SLC6A11: variants seen among roughly 807,000 people sequenced by gnomAD.
SLC6A11 encodes solute carrier family 6 member 11.
SLC6A11 carries 25 observed loss-of-function variants against 74.8 expected under a neutral mutation model. The ratio of observed to expected loss-of-function variants is 0.33; its 90% CI spans 0.24 to 0.47. The LOEUF is 0.47. Ranked by LOEUF, SLC6A11 falls within the 20% of genes least tolerant of loss-of-function variation. The pLI is 1.00. For missense variants in SLC6A11, 574 were observed against 837.0 expected (o/e 0.69, Z 3.88); for synonymous variants, 330 against 330.2 (o/e 1.00, Z 0.01).
intron 5 of SLC6A11, among the ~76,000 whole-genome samples, chr3:10,866,419 C>A (rs538607971): frequency 6.6e-6 from 1 of 152,304 alleles, no homozygotes; most frequent in East Asian, 1.9e-4. Flanking sequence ...GAGTCATGGT[C>A]TCTGTGCTGT....
intron 5 of SLC6A11, among the ~76,000 whole-genome samples, chr3:10,861,926 T>C (rs1694707216): frequency 2.0e-5 from 3 of 152,150 alleles, no homozygotes; most frequent in South Asian, 2.1e-4. Flanking sequence ...CCTTGGCCAA[T>C]TGGATGGATG....
intron 10 of SLC6A11, among the ~76,000 whole-genome samples, chr3:10,930,888 A>G (rs993406318): frequency 1.3e-5 from 2 of 151,944 alleles, no homozygotes; most frequent in African/African-American, 4.8e-5. Context: ...AAGACTGTTA[A>G]TCAGCAGGCG....
intron 6 of SLC6A11, among the ~76,000 whole-genome samples, chr3:10,889,454 G>T (rs74592682): frequency 0.038 from 5,738 of 152,188 alleles, 375 homozygotes; most frequent in African/African-American, 0.13. Context: ...TGCTCTGCCT[G>T]TTCAGCCCTC....
chr3:10,908,508 A>G (rs553375856), intron 6 of SLC6A11, among the ~76,000 whole-genome samples: 4 of 152,332 alleles, frequency 2.6e-5, no homozygotes, highest in Non-Finnish European at 5.9e-5. Flanking sequence ...ACATACCCTT[A>G]AAGATTCATG....
chr3:10,846,485 T>C (rs1040053263), intron 5 of SLC6A11, among the ~76,000 whole-genome samples: 6 of 152,162 alleles, frequency 3.9e-5, no homozygotes, highest in Admixed American at 2.0e-4. Flanking sequence ...CGGGACCTCA[T>C]ATGGCCTTGA....
At chr3:10,831,635 A>G (rs1180536570) in intron 4 of SLC6A11, among the ~76,000 whole-genome samples, 1 of 152,240 alleles carries the variant, frequency 6.6e-6, no homozygotes, top group Admixed American at 6.5e-5. Context: ...AGAGAGGCTT[A>G]CTTTTTGCTT....
intron 5 of SLC6A11, among the ~76,000 whole-genome samples, chr3:10,856,715 C>T (rs967151618): frequency 6.6e-6 from 1 of 152,136 alleles, no homozygotes; most frequent in Non-Finnish European, 1.5e-5. Flanking sequence ...TATGATGTGC[C>T]GGGTACCCGT....
intron 6 of SLC6A11, among the ~76,000 whole-genome samples, chr3:10,899,251 C>T (rs978836120): frequency 5.3e-5 from 8 of 152,194 alleles, no homozygotes. Context: ...CACATGAGCT[C>T]ATCCCAGGAC....
At chr3:10,849,195 G>T (rs938652872) in intron 5 of SLC6A11, among the ~76,000 whole-genome samples, 2 of 152,222 alleles carry the variant, frequency 1.3e-5, no homozygotes, top group African/African-American at 4.8e-5. Context: ...TGTATATTAA[G>T]TCCTGAGAAA....
chr3:10,857,304 C>T (rs974126157), intron 5 of SLC6A11, among the ~76,000 whole-genome samples: 1 of 152,064 alleles, frequency 6.6e-6, no homozygotes, highest in African/African-American at 2.4e-5. Flanking sequence ...CCAAGGATGG[C>T]TATAGGGGTT....
At chr3:10,867,352 T>C (rs761396875) in intron 5 of SLC6A11, among the ~76,000 whole-genome samples, 2 of 152,222 alleles carry the variant, frequency 1.3e-5, no homozygotes, top group Non-Finnish European at 2.9e-5. Context: ...TAGAATTCCC[T>C]AGGCTTGGAG....
rs775128355 is a variant in SLC6A11, at chr3:10,918,545, A to G, written c.1120+92A>G. On this transcript the variant is annotated intron_variant, in intron 8 of 13. Coordinates refer to ENST00000254488, the MANE Select transcript of SLC6A11 (RefSeq NM_014229.3). This position sits in a 1 kb window ranked among gnomAD's most constrained non-coding sequence, Gnocchi z 4.5. ...AATGCGATCTTCCTCCTCGGCTCAC[A>G]CATCTCCTGGATTCAGGCCTCAGAA... 1 of 1,434,292 alleles carries G rather than the reference A, an allele frequency of 7.0e-7. No homozygotes were observed. Among genetic ancestry groups the G allele is most frequent in the South Asian group, 1.3e-5 (1 of 74,976 alleles). 88.8% of individuals were successfully genotyped at this position (1,434,292 alleles called of 1,614,324 possible).
Position 10,894,300 on chromosome 3 carries a change from A to G in SLC6A11, c.892-17790A>G, listed in dbSNP as rs563348865. Reference sequence around the variant, plus strand: ...AGGAGAGGCAATGTGAGCAGGTGGCAATGTGACCCTGAAGGCTGGCAGGAC... The same window carrying G: ...AGGAGAGGCAATGTGAGCAGGTGGCGATGTGACCCTGAAGGCTGGCAGGAC... On this transcript the variant is annotated intron_variant, in intron 6 of 13. Transcript: ENST00000254488. Among the ~76,000 whole-genome samples, 3 of 152,342 alleles carry G rather than the reference A, an allele frequency of 2.0e-5. No individual in the cohort carries two copies. In the South Asian group the frequency reaches 6.2e-4, roughly 32 times the overall value.
intron 9 of SLC6A11, among the ~76,000 whole-genome samples, chr3:10,927,854 G>A (rs574999101): frequency 3.3e-5 from 5 of 152,302 alleles, no homozygotes; most frequent in South Asian, 2.1e-4. Flanking sequence ...ATTTGGAGCC[G>A]ACAAATAGCT....
chr3:10,905,115 C>T (rs956879416), intron 6 of SLC6A11, among the ~76,000 whole-genome samples: 3 of 152,214 alleles, frequency 2.0e-5, no homozygotes, highest in African/African-American at 7.2e-5. Flanking sequence ...TTTTGTTTGT[C>T]TGTGCTTGTG....
chr3:10,820,238 G>C (rs1465786421), intron 3 of SLC6A11, among the ~76,000 whole-genome samples: 1 of 152,220 alleles, frequency 6.6e-6, no homozygotes. Context: ...GTAAAACTGA[G>C]GTTAGACCAG....
At chr3:10,890,674 C>G (rs1559573325) in intron 6 of SLC6A11, among the ~76,000 whole-genome samples, 2 of 152,344 alleles carry the variant, frequency 1.3e-5, no homozygotes, top group East Asian at 3.9e-4. Flanking sequence ...AGAGTTGACA[C>G]TTGTATTTCA....
chr3:10,916,007 C>T (rs572686815), intron 7 of SLC6A11, among the ~76,000 whole-genome samples: 6 of 152,294 alleles, frequency 3.9e-5, no homozygotes, highest in African/African-American at 4.8e-5. Flanking sequence ...ACCTAGTCCA[C>T]GGCTGGCATA....
intron 4 of SLC6A11, among the ~76,000 whole-genome samples, chr3:10,834,283 G>C (rs574323744): frequency 6.6e-6 from 1 of 152,204 alleles, no homozygotes; most frequent in Admixed American, 6.5e-5. Flanking sequence ...TGCAGAGTCG[G>C]ACTGCTGTGT....
Sources: allele counts gnomAD v4.1 joint callset (sites outside exome capture counted in the v4.1 genomes callset), GRCh38; gene constraint gnomAD v4.1.1; non-coding constraint Gnocchi (gnomAD v3.1); transcripts MANE v1.5; gene names NCBI Gene and HGNC (gene_info 2026-07-23, HGNC 2026-07-21).